APPBP2: variants seen among roughly 807,000 people sequenced by gnomAD.
APPBP2 encodes amyloid protein-binding protein 2.
A neutral mutation model predicts 76.0 loss-of-function variants in APPBP2; 15 were observed. The ratio of observed to expected loss-of-function variants is 0.20; its 90% confidence interval spans 0.13 to 0.30. The LOEUF (loss-of-function observed/expected upper bound fraction) is 0.30, where lower values mean the gene tolerates loss of function less well. Ranked by LOEUF, APPBP2 falls within the 10% of genes least tolerant of loss-of-function variation. The pLI, the probability that APPBP2 is intolerant of heterozygous loss-of-function variation, is 1.00. For missense variants in APPBP2, 401 were observed against 687.2 expected (o/e 0.58, Z 4.66); for synonymous variants, 222 against 242.2 (o/e 0.92, Z 0.77).
intron 1 of APPBP2, among the ~76,000 whole-genome samples, chr17:60,504,760 CGCACT>C (rs1453585918): frequency 6.6e-6 from 1 of 152,084 alleles, no homozygotes; most frequent in Non-Finnish European, 1.5e-5. Context: ...GCTGATATTG[CGCACT>C]GCACTCCAGC....
intron 6 of APPBP2, among the ~76,000 whole-genome samples, chr17:60,462,948 CAA>C (rs59889728): frequency 1.1e-4 from 7 of 65,464 alleles, no homozygotes; most frequent in Admixed American, 1.9e-4. Flanking sequence ...GACTCCATCT[CAA>C]AAAAAAAAAA....
intron 2 of APPBP2, 78 bp from the exon 3 acceptor site, chr17:60,494,695 T>C: frequency 8.1e-7 from 1 of 1,235,686 alleles, no homozygotes; most frequent in Non-Finnish European, 1.1e-6. Context: ...GCTTCTCTTT[T>C]AAATAATAGC....
chr17:60,471,341 C>T (rs1057002040), intron 4 of APPBP2, among the ~76,000 whole-genome samples: 4 of 152,158 alleles, frequency 2.6e-5, no homozygotes, highest in African/African-American at 7.2e-5. Context: ...CTAAAGCTTC[C>T]AGTACAATGT....
chr17:60,517,463 CTT>C (rs776632431), intron 1 of APPBP2, among the ~76,000 whole-genome samples: 20 of 152,146 alleles, frequency 1.3e-4, no homozygotes, highest in Non-Finnish European at 2.8e-4. Context: ...TATTTAACCA[CTT>C]TGAGATCCAA....
At chr17:60,518,168 C>T (rs567289527) in intron 1 of APPBP2, among the ~76,000 whole-genome samples, 1 of 151,566 alleles carries the variant, frequency 6.6e-6, no homozygotes, top group Admixed American at 6.6e-5. Flanking sequence ...AGCAATTCTG[C>T]CAAGTAACTG....
chr17:60,447,095 C>T lies in APPBP2; in HGVS notation c.*486G>A, dbSNP rs2090354215. The T allele has an allele frequency of 6.5e-6, 1 of 153,086 alleles. No individual in the cohort carries two copies. Among genetic ancestry groups the T allele is most frequent in the South Asian group, 2.1e-4 (1 of 4,858 alleles). The allele number at this position is 153,086 out of a possible 1,614,324, so 9.5% of individuals were successfully genotyped here. On this transcript the variant is annotated 3_prime_UTR_variant, in exon 13 of 13. Transcript: ENST00000083182. ...TCGGGATGTCCCTCTTTTATTAGTA[C>T]TTGTGTTAACTTTTCTATACTGCAT... is the stretch of plus-strand genomic sequence containing the variant.
chr17:60,518,378 T>C (rs1423635124), intron 1 of APPBP2, among the ~76,000 whole-genome samples: 7 of 131,768 alleles, frequency 5.3e-5, no homozygotes, highest in African/African-American at 1.7e-4. Flanking sequence ...TGTGTGTGTG[T>C]GTGTGTGTGT....
chr17:60,450,265 C>T (rs183808778), intron 12 of APPBP2, among the ~76,000 whole-genome samples: 121 of 151,520 alleles, frequency 8.0e-4, no homozygotes, highest in African/African-American at 2.6e-3. Context: ...GCTGAAACAC[C>T]GTCTCTACTA....
At chr17:60,475,648 T>TATACACAC (rs777888694) in intron 4 of APPBP2, among the ~76,000 whole-genome samples, 2 of 129,192 alleles carry the variant, frequency 1.5e-5, no homozygotes, top group African/African-American at 3.0e-5. Context: ...CAACTCTTTA[T>TATACACAC]ACACACACAC....
chr17:60,481,266 C>T lies in APPBP2; in HGVS notation c.380-1995G>A, dbSNP rs141027135. 8.8e-3 allele frequency among the ~76,000 whole-genome samples: 1,341 copies of T among 152,178 alleles called. 6 individuals carry two copies. Among genetic ancestry groups the T allele is most frequent in the Non-Finnish European group, 0.013 (869 of 67,980 alleles). On this transcript the variant is annotated intron_variant, in intron 3 of 12. Transcript: ENST00000083182. ...ATAATACCCTACTGTTCCCTTTTTG[C>T]CTCTTTAGTTCTCTAGTATCTGGTT...
chr17:60,473,509 T>C (rs1188722236), intron 4 of APPBP2, among the ~76,000 whole-genome samples: 1 of 152,162 alleles, frequency 6.6e-6, no homozygotes, highest in East Asian at 1.9e-4. Flanking sequence ...GTGATAACAT[T>C]AAAACACTTA....
chr17:60,495,424 A>T (rs8073180), intron 2 of APPBP2, among the ~76,000 whole-genome samples: 5,828 of 137,666 alleles, frequency 0.042, 389 homozygotes, highest in African/African-American at 0.18. Flanking sequence ...ATTTTTAAAA[A>T]TATTTTATTT....
intron 9 of APPBP2, chr17:60,460,147 AGTC>A (rs2090466202): frequency 6.6e-6 from 1 of 152,356 alleles, no homozygotes; most frequent in Non-Finnish European, 1.5e-5. Flanking sequence ...AAAATATACA[AGTC>A]TCAATAGTAA....
intron 4 of APPBP2, among the ~76,000 whole-genome samples, chr17:60,467,967 C>A (rs1488347112): frequency 6.6e-6 from 1 of 152,142 alleles, no homozygotes; most frequent in Non-Finnish European, 1.5e-5. Context: ...GATTTTATAG[C>A]ACCTTGCGGG....
In APPBP2 at chr17:60,494,532, A is replaced by G. The variant is rs1236257305; in HGVS notation, c.313T>C (p.Cys105Arg). The change falls in exon 3 of 13, where the codon TGC becomes CGC. Residue 105 changes from cysteine (C) to arginine (R), a missense_variant. By Grantham distance (180) the Cys-to-Arg change is radical. Coordinates refer to ENST00000083182, the MANE Select transcript of APPBP2 (RefSeq NM_006380.5). ...GCATCTGATTCTGCTATATAAGAGC[A>G]CCGCCTACTGAATGAGTAGGCCAAG... ...SVLAYSFSRR[C>R]SYIAESDAAV... 1 of 1,612,596 alleles carries G rather than the reference A, an allele frequency of 6.2e-7. No homozygotes were observed. The highest frequency in any genetic ancestry group is 2.2e-5 in the East Asian group (1 of 44,830).
At chr17:60,512,832 T>TAAAAAAAAAAAAA (rs770075935) in intron 1 of APPBP2, among the ~76,000 whole-genome samples, 13 of 29,918 alleles carry the variant, frequency 4.3e-4, no homozygotes, top group African/African-American at 1.5e-3. Context: ...AGACTCCATC[T>TAAAAAAAAAAAAA]AAAAAAAAAA....
At chr17:60,523,269 T>G (rs2091025047) in intron 1 of APPBP2, among the ~76,000 whole-genome samples, 3 of 152,066 alleles carry the variant, frequency 2.0e-5, no homozygotes, top group Admixed American at 2.0e-4. Context: ...TGTGTGCAGT[T>G]ATATTGCTTT....
chr17:60,454,579 A>C, intron 10 of APPBP2, 87 bp from the exon 11 acceptor site: 1 of 785,444 alleles, frequency 1.3e-6, no homozygotes, highest in Non-Finnish European at 1.9e-6. Context: ...AATAATATAA[A>C]TGTTTACTGA....
At position 60,500,873 on chromosome 17, in the gene APPBP2, C is replaced by T. The variant is rs201382194; in HGVS notation, c.139-386G>A. ...CAGAAAACAGAGCTGGTCAATATGG[C>T]CACCTCAAAAATCTCAGTTCAGTCC... On this transcript the variant is annotated intron_variant, in intron 1 of 12. Transcript: ENST00000083182. 4.6e-5 allele frequency among the ~76,000 whole-genome samples: 7 copies of T among 152,196 alleles called. No individual in the cohort carries two copies. In the East Asian group the frequency reaches 1.2e-3, roughly 25 times the overall value.
Sources: allele counts gnomAD v4.1 joint callset (sites outside exome capture counted in the v4.1 genomes callset), GRCh38; gene constraint gnomAD v4.1.1; transcripts MANE v1.5; gene names NCBI Gene and HGNC (gene_info 2026-07-23, HGNC 2026-07-21).